PDE4D: variants seen among roughly 807,000 people sequenced by gnomAD.
The protein encoded by PDE4D is phosphodiesterase 4D, also known as 3',5'-cyclic-AMP phosphodiesterase 4D.
PDE4D carries 24 observed loss-of-function variants against 87.4 expected under a neutral mutation model. The ratio of observed to expected loss-of-function variants is 0.27; its 90% CI spans 0.20 to 0.39. PDE4D has a LOEUF of 0.39. Ranked by LOEUF, PDE4D falls within the 10% of genes least tolerant of loss-of-function variation. The probability of loss-of-function intolerance (pLI) is 1.00; values close to 1 mark genes in which losing one functional copy is unlikely to be tolerated. For synonymous variants in PDE4D, 384 were observed against 383.2 expected (o/e 1.00, Z -0.02); for missense variants, 714 against 1,041.0 (o/e 0.69, Z 4.32).
intron 1 of PDE4D, among the ~76,000 whole-genome samples, chr5:60,214,071 A>C (rs1743563957): frequency 6.6e-6 from 1 of 152,222 alleles, no homozygotes; most frequent in Non-Finnish European, 1.5e-5. Context: ...GAACCATTGC[A>C]GACGCTCAAC....
At chr5:60,482,430 T>C (rs930893450) in intron 1 of PDE4D, among the ~76,000 whole-genome samples, 3 of 152,152 alleles carry the variant, frequency 2.0e-5, no homozygotes, top group African/African-American at 2.4e-5. Flanking sequence ...CAGACACAAA[T>C]AGGACTATAG....
chr5:59,795,559 T>G (rs984859327), intron 1 of PDE4D, among the ~76,000 whole-genome samples: 2 of 152,198 alleles, frequency 1.3e-5, no homozygotes, highest in Non-Finnish European at 2.9e-5. Context: ...TCTATGTTAC[T>G]TCTATATATA....
At chr5:59,777,157 A>C (rs1410706524) in intron 1 of PDE4D, among the ~76,000 whole-genome samples, 1 of 152,202 alleles carries the variant, frequency 6.6e-6, no homozygotes, top group Non-Finnish European at 1.5e-5. Flanking sequence ...AACTGCAGCC[A>C]AACGGAATGC....
upstream of PDE4D, among the ~76,000 whole-genome samples, chr5:59,895,069 C>G (rs1002900973): frequency 2.6e-5 from 4 of 152,162 alleles, no homozygotes; most frequent in African/African-American, 9.7e-5. Context: ...TTCTATTCTT[C>G]CCACACACTC....
intron 1 of PDE4D, among the ~76,000 whole-genome samples, chr5:59,742,429 A>T (rs1455456938): frequency 6.6e-6 from 1 of 152,206 alleles, no homozygotes; most frequent in Non-Finnish European, 1.5e-5. Context: ...AGACACATGG[A>T]CAACCATTCT....
At chr5:59,081,677 T>TA (rs1766803524) in intron 5 of PDE4D, among the ~76,000 whole-genome samples, 1 of 152,172 alleles carries the variant, frequency 6.6e-6, no homozygotes, top group Non-Finnish European at 1.5e-5. Flanking sequence ...CTCAAATTTA[T>TA]ATTTGTCCTA....
chr5:60,195,987 A>G (rs577599863), intron 1 of PDE4D, among the ~76,000 whole-genome samples: 1 of 151,934 alleles, frequency 6.6e-6, no homozygotes, highest in East Asian at 1.9e-4. Context: ...CATCTGTAGA[A>G]TTCCACACCT....
At chr5:59,286,171 C>G (rs918868576) in intron 1 of PDE4D, among the ~76,000 whole-genome samples, 1 of 152,216 alleles carries the variant, frequency 6.6e-6, no homozygotes, top group African/African-American at 2.4e-5. Context: ...TCAAGCCTGG[C>G]TGGCTCCAGA....
At chr5:60,401,119 C>T (rs1020643412) in intron 1 of PDE4D, among the ~76,000 whole-genome samples, 1 of 152,088 alleles carries the variant, frequency 6.6e-6, no homozygotes, top group African/African-American at 2.4e-5. Context: ...TACACAAAAG[C>T]CACATTTTAA....
At chr5:59,312,551 G>A (rs1158726721) in intron 1 of PDE4D, among the ~76,000 whole-genome samples, 2 of 152,176 alleles carry the variant, frequency 1.3e-5, no homozygotes, top group Non-Finnish European at 2.9e-5. Flanking sequence ...GGGGCCAAAT[G>A]GAAATCCTAT....
chr5:59,690,191 T>A (rs2150400074), intron 1 of PDE4D, among the ~76,000 whole-genome samples: 1 of 152,304 alleles, frequency 6.6e-6, no homozygotes, highest in Admixed American at 6.5e-5. Flanking sequence ...TACCAATGAC[T>A]TTCTTCACAG....
intron 1 of PDE4D, among the ~76,000 whole-genome samples, chr5:60,259,881 G>A (rs1749465517): frequency 6.6e-6 from 1 of 152,024 alleles, no homozygotes; most frequent in Non-Finnish European, 1.5e-5. Context: ...TTTCTGGGAT[G>A]GGCACCAAGG....
At chr5:60,037,766 G>T (rs1294940995) in intron 2 of PDE4D, among the ~76,000 whole-genome samples, 1 of 152,080 alleles carries the variant, frequency 6.6e-6, no homozygotes, top group Non-Finnish European at 1.5e-5. Flanking sequence ...GAAATCAAAG[G>T]TAGTTCTGAA....
At chr5:59,084,030 G>C (rs1415360517) in intron 5 of PDE4D, among the ~76,000 whole-genome samples, 2 of 151,924 alleles carry the variant, frequency 1.3e-5, no homozygotes, top group Admixed American at 1.3e-4. Flanking sequence ...GTATAATTTA[G>C]CACAACGATG....
chr5:60,023,587 T>C (rs970178957), intron 2 of PDE4D, among the ~76,000 whole-genome samples: 5 of 152,304 alleles, frequency 3.3e-5, no homozygotes, highest in Non-Finnish European at 7.4e-5. Flanking sequence ...TTCAGATTTC[T>C]TTCTCTACTT....
chr5:60,147,110 G>A (rs1473917621), intron 2 of PDE4D, among the ~76,000 whole-genome samples: 1 of 152,112 alleles, frequency 6.6e-6, no homozygotes, highest in African/African-American at 2.4e-5. Context: ...GTCTATCGGA[G>A]GACTATGAGC....
At chr5:60,211,452 TG>T (rs142201433) in intron 1 of PDE4D, among the ~76,000 whole-genome samples, 4,060 of 140,338 alleles carry the variant, frequency 0.029, 197 homozygotes, top group African/African-American at 0.098. Flanking sequence ...TTAAGAATCT[TG>T]GGGGGGTGGG....
At chr5:59,002,838 CAT>C (rs1750810092) in intron 6 of PDE4D, among the ~76,000 whole-genome samples, 1 of 152,134 alleles carries the variant, frequency 6.6e-6, no homozygotes, top group African/African-American at 2.4e-5. Flanking sequence ...TGATTTCTTA[CAT>C]AGCAATAAAT....
chr5:59,617,236 G>C (rs756595935), intron 1 of PDE4D, among the ~76,000 whole-genome samples: 5 of 151,994 alleles, frequency 3.3e-5, no homozygotes, highest in Non-Finnish European at 7.4e-5. Context: ...ACCTTGAAGA[G>C]CTCAATTTGG....
Sources: gnomAD v4.1 joint callset for allele counts (sites outside exome capture counted in the v4.1 genomes callset) on GRCh38, gnomAD v4.1.1 for gene constraint, MANE v1.5 for transcripts, NCBI Gene and HGNC (gene_info 2026-07-23, HGNC 2026-07-21) for gene names.